Variants in MTTP observed in about 807,000 individuals in gnomAD.
The protein encoded by MTTP is microsomal triglyceride transfer protein large subunit.
MTTP carries 49 observed loss-of-function variants against 90.6 expected under a neutral mutation model. The ratio of observed to expected loss-of-function variants is 0.54; its 90% CI spans 0.43 to 0.69. The LOEUF (loss-of-function observed/expected upper bound fraction) is 0.69. Among genes scored for constraint, MTTP ranks in the 30% least tolerant of loss-of-function variants. MTTP has a pLI of 0.00. For synonymous variants in MTTP, 347 were observed against 384.2 expected (o/e 0.90, Z 1.13); for missense variants, 945 against 1,067.5 (o/e 0.89, Z 1.60).
chr4:99,565,171 G>A (rs1182834345), intron 1 of MTTP, among the ~76,000 whole-genome samples: 2 of 152,126 alleles, frequency 1.3e-5, no homozygotes, highest in Non-Finnish European at 2.9e-5. Flanking sequence ...AATTCAGGCT[G>A]GCAAAGTGAT....
intron 3 of MTTP, among the ~76,000 whole-genome samples, chr4:99,588,437 T>C (rs903233672): frequency 1.3e-5 from 2 of 152,126 alleles, no homozygotes; most frequent in African/African-American, 4.8e-5. Context: ...TAAATTCACT[T>C]TGTACTTTTA....
At chr4:99,567,810 A>G (rs924334481) in intron 1 of MTTP, among the ~76,000 whole-genome samples, 4 of 152,198 alleles carry the variant, frequency 2.6e-5, no homozygotes, top group Non-Finnish European at 5.9e-5. Flanking sequence ...TCATTTTATG[A>G]AATATTAGAA....
intron 9 of MTTP, 50 bp from the exon 10 acceptor site, chr4:99,601,557 G>T: frequency 7.7e-7 from 1 of 1,298,078 alleles, no homozygotes. Flanking sequence ...GTGTTCCTTG[G>T]AAATATTTAA....
intron 11 of MTTP, among the ~76,000 whole-genome samples, chr4:99,608,049 A>T (rs773755937): frequency 2.0e-5 from 3 of 152,218 alleles, no homozygotes; most frequent in Non-Finnish European, 4.4e-5. Flanking sequence ...ACCTTTCCCC[A>T]GAGCCCCATG....
At chr4:99,592,180 A>G (rs1725443311) in intron 6 of MTTP, among the ~76,000 whole-genome samples, 1 of 152,182 alleles carries the variant, frequency 6.6e-6, no homozygotes, top group Non-Finnish European at 1.5e-5. Flanking sequence ...GTGTACCTTT[A>G]TTCATAAAAG....
At position 99,582,188 on chromosome 4, in the gene MTTP, A is replaced by G. The variant is rs1578234824; in HGVS notation, c.249+96A>G. 7 of 1,272,474 alleles carry G rather than the reference A, an allele frequency of 5.5e-6. No homozygotes were observed. In the East Asian group the frequency reaches 1.6e-4, roughly 29 times the overall value. 78.8% of individuals were successfully genotyped at this position (1,272,474 alleles called of 1,614,324 possible). On this transcript the variant is annotated intron_variant, in intron 2 of 17. Coordinates refer to ENST00000265517, the MANE Select transcript of MTTP (RefSeq NM_001386140.1). Reference sequence around the variant, plus strand: ...GCACTTGTATTGGGTTCCCGTTTATAAATCCATTTAGTTTCTTATCTATCA... The same window carrying G: ...GCACTTGTATTGGGTTCCCGTTTATGAATCCATTTAGTTTCTTATCTATCA...
Position 99,594,869 on chromosome 4 carries a change from A to G in MTTP, c.895A>G (p.Lys299Glu). Residue 299 changes from lysine to glutamate, a missense_variant, in exon 7 of 18, where the codon AAA becomes GAA. By Grantham distance (56) the Lys-to-Glu change is moderately conservative (BLOSUM62 1). Transcript: ENST00000265517. ...IVGQVFQSHCKGCPSLSELWR... is the reference protein window; with the variant it reads ...IVGQVFQSHCEGCPSLSELWR... The stretch of plus-strand genomic sequence containing the variant: ...GGGGCAGGTCTTCCAGAGCCACTGT[A>G]AAGGATGTCCTTCTGTAAGTGCAGA... 6.2e-7 allele frequency: 1 copy of G among 1,613,924 alleles called. No individual in the cohort carries two copies. Among genetic ancestry groups the G allele is most frequent in the East Asian group, 2.2e-5 (1 of 44,878 alleles).
chr4:99,597,328 C>A (rs567178665), intron 8 of MTTP, 104 bp downstream of exon 8: 2 of 1,253,092 alleles, frequency 1.6e-6, no homozygotes, highest in Non-Finnish European at 2.3e-6. Flanking sequence ...GCCCCACCAC[C>A]AAAACAATTA....
At chr4:99,592,827 G>A (rs767695727) in intron 6 of MTTP, among the ~76,000 whole-genome samples, 1 of 152,136 alleles carries the variant, frequency 6.6e-6, no homozygotes, top group Non-Finnish European at 1.5e-5. Flanking sequence ...ATAATAAAAT[G>A]TGTGGTATAA....
rs1726000047 is a variant in MTTP at position 99,613,008 on chromosome 4, C to G, written c.2085C>G (p.Ile695Met). The change falls in exon 15 of 18, where the codon ATC (isoleucine) becomes ATG (methionine). Residue 695 changes from isoleucine to methionine, a missense_variant. Ile to Met is a conservative substitution (Grantham distance 10). Coordinates refer to ENST00000265517, the MANE Select transcript of MTTP (RefSeq NM_001386140.1). ...ACTCCTATGCTGGTATGTCAGCCAT[C>G]CTCTTTGATGTTCAGCTCAGACCTG... is the stretch of plus-strand genomic sequence containing the variant. ...NLDSYAGMSA[I>M]LFDVQLRPVT... 1 of 1,613,954 alleles carries G rather than the reference C, an allele frequency of 6.2e-7. No homozygotes were observed. Among genetic ancestry groups the G allele is most frequent in the South Asian group, 1.1e-5 (1 of 91,082 alleles).
At chr4:99,564,652 C>T (rs965677317) in intron 1 of MTTP, among the ~76,000 whole-genome samples, 2 of 151,996 alleles carry the variant, frequency 1.3e-5, no homozygotes, top group Non-Finnish European at 2.9e-5. Flanking sequence ...GAAATACAAC[C>T]CCGTAGATTG....
chr4:99,573,103 C>T (rs915055920), upstream of MTTP, among the ~76,000 whole-genome samples: 2 of 152,062 alleles, frequency 1.3e-5, no homozygotes, highest in Non-Finnish European at 2.9e-5. Flanking sequence ...GTACTTTACC[C>T]GAAGGGCACG....
At chr4:99,615,082 C>T (rs1465915957) in intron 15 of MTTP, among the ~76,000 whole-genome samples, 1 of 152,206 alleles carries the variant, frequency 6.6e-6, no homozygotes, top group African/African-American at 2.4e-5. Flanking sequence ...TCAACACCAC[C>T]TGTATGTGCT....
chr4:99,579,374 C>A (rs915012067), intron 1 of MTTP, among the ~76,000 whole-genome samples: 4 of 152,178 alleles, frequency 2.6e-5, no homozygotes, highest in African/African-American at 9.7e-5. Flanking sequence ...CCTCTTTGGT[C>A]TCCCTGCTCT....
chr4:99,600,463 T>A, intron 8 of MTTP, 102 bp from the exon 9 acceptor site: 1 of 1,218,806 alleles, frequency 8.2e-7, no homozygotes, highest in Non-Finnish European at 1.2e-6. Context: ...AAAAATCACT[T>A]CTTGAGAAAA....
chr4:99,581,809 C>A, intron 1 of MTTP, 96 bp from the exon 2 acceptor site: 2 of 1,257,016 alleles, frequency 1.6e-6, no homozygotes, highest in Non-Finnish European at 2.3e-6. Context: ...ATTTACCAAG[C>A]TTCCTGAGCC....
chr4:99,591,597 T>A, intron 5 of MTTP, 54 bp from the exon 6 acceptor site: 1 of 1,570,268 alleles, frequency 6.4e-7, no homozygotes, highest in East Asian at 2.3e-5. Context: ...TTGACTTGAT[T>A]CAATAATTTA....
chr4:99,595,053 C>T (rs1403386504), intron 7 of MTTP, among the ~76,000 whole-genome samples, 170 bp downstream of exon 7: 1 of 152,174 alleles, frequency 6.6e-6, no homozygotes, highest in African/African-American at 2.4e-5. Context: ...GTGCATGACA[C>T]ATCAATAATT....
chr4:99,608,185 G>A (rs113930074), intron 11 of MTTP, among the ~76,000 whole-genome samples: 5,811 of 152,238 alleles, frequency 0.038, 145 homozygotes, highest in African/African-American at 0.053. Context: ...GGTGGCTCAC[G>A]CCTGTAATCC....
Sources: gnomAD v4.1 joint callset for allele counts (sites outside exome capture counted in the v4.1 genomes callset) on GRCh38, gnomAD v4.1.1 for gene constraint, MANE v1.5 for transcripts, NCBI Gene and HGNC (gene_info 2026-07-23, HGNC 2026-07-21) for gene names.